OBP2B: variants seen among roughly 807,000 people sequenced by gnomAD.
The protein encoded by OBP2B is odorant binding protein 2B.
In OBP2B, 10 loss-of-function variants were observed where a neutral mutation model predicts 21.7. The ratio of observed to expected loss-of-function variants is 0.46; its 90% CI spans 0.28 to 0.78. OBP2B has a LOEUF of 0.78. Among genes scored for constraint, OBP2B ranks in the 30% least tolerant of loss-of-function variants. The pLI, the probability that OBP2B is intolerant of heterozygous loss-of-function variation, is 0.11. For missense variants in OBP2B, 153 were observed against 217.7 expected (o/e 0.70, Z 1.87); for synonymous variants, 73 against 91.5 (o/e 0.80, Z 1.16).
chr9:133,207,842 A>C, intron 3 of OBP2B: 1 of 1,496,536 alleles, frequency 6.7e-7, no homozygotes, highest in Non-Finnish European at 8.9e-7. Flanking sequence ...CCCCGTACCT[A>C]ATCCTTGGCC....
chr9:133,209,848 G>A (rs1371873976), upstream of OBP2B, among the ~76,000 whole-genome samples: 2 of 152,068 alleles, frequency 1.3e-5, no homozygotes, highest in South Asian at 2.1e-4. The surrounding 1 kb of genome is among the most constrained non-coding windows in gnomAD (Gnocchi z 6.0). Context: ...CGGCCTCCTC[G>A]GGCCATATGA....
At chr9:133,216,857 G>A in the OBP2B span, among the ~76,000 whole-genome samples, 1 of 152,082 alleles carries the variant, frequency 6.6e-6, no homozygotes, top group South Asian at 2.1e-4. Context: ...GGTTGGGGCT[G>A]GAGCAAGCCA....
upstream of OBP2B, among the ~76,000 whole-genome samples, chr9:133,211,939 T>C (rs1833920875): frequency 6.6e-6 from 1 of 152,224 alleles, no homozygotes; most frequent in Admixed American, 6.5e-5. Flanking sequence ...ATTATACAAC[T>C]ATATGCCGTC....
At chr9:133,206,203 G>A (rs1833703221) in intron 5 of OBP2B, 112 bp downstream of exon 5, 8 of 1,293,640 alleles carry the variant, frequency 6.2e-6, no homozygotes, top group Admixed American at 3.5e-5. Flanking sequence ...GAGGAGACTC[G>A]GGGCACACGG....
upstream of OBP2B, among the ~76,000 whole-genome samples, chr9:133,211,660 T>C (rs4962104): frequency 0.63 from 96,164 of 152,062 alleles, 32,580 homozygotes; most frequent in Non-Finnish European, 0.78. Flanking sequence ...TCTCAGATGG[T>C]CCTCAGAAGG....
chr9:133,216,996 C>CCAAAGACTCAGCAACTCCACT, the OBP2B span, among the ~76,000 whole-genome samples: 12 of 151,916 alleles, frequency 7.9e-5, no homozygotes, highest in African/African-American at 2.7e-4. Flanking sequence ...AAACCTAGAG[C>CCAAAGACTCAGCAACTCCACT]CAAAGACTCA....
chr9:133,208,058 T>C, intron 3 of OBP2B, 75 bp downstream of exon 3: 1 of 1,502,906 alleles, frequency 6.7e-7, no homozygotes. Flanking sequence ...GCCTGGGCAC[T>C]CTCTACCTGT....
Position 133,206,693 on chromosome 9 carries a change from T to C in OBP2B, c.389-277A>G, listed in dbSNP as rs557488025. 1.8e-3 allele frequency among the ~76,000 whole-genome samples: 261 copies of C among 147,778 alleles called. 9 individuals are homozygous for C. Among genetic ancestry groups the C allele is most frequent in the Admixed American group, 0.017 (258 of 15,000 alleles). On this transcript the variant is annotated intron_variant, in intron 4 of 6. Coordinates refer to ENST00000372034, the MANE Select transcript of OBP2B (RefSeq NM_014581.4). Reference sequence around the variant, plus strand: ...GCACCGGACAAGCAGGAGAGGAGACTTGAGAATGGATGAGAGCTCAGGGGT... The same window carrying C: ...GCACCGGACAAGCAGGAGAGGAGACCTGAGAATGGATGAGAGCTCAGGGGT...
At chr9:133,205,820 G>A (rs549450739) in intron 6 of OBP2B, 97 bp downstream of exon 6, 1 of 1,566,854 alleles carries the variant, frequency 6.4e-7, no homozygotes, top group Admixed American at 1.7e-5. Context: ...GGTCTCCCTG[G>A]CTGTGTGGGA....
At chr9:133,211,834 T>C (rs1404539642), upstream of OBP2B, among the ~76,000 whole-genome samples, 1 of 152,196 alleles carries the variant, frequency 6.6e-6, no homozygotes, top group Non-Finnish European at 1.5e-5. Flanking sequence ...AGCAACCCTA[T>C]AAAAATAATA....
At chr9:133,207,116 C>A (rs1178098233) in intron 4 of OBP2B, 110 bp downstream of exon 4, 8 of 776,694 alleles carry the variant, frequency 1.0e-5, no homozygotes, top group Non-Finnish European at 1.5e-5. Flanking sequence ...TGAAAGCCGG[C>A]ACAGGGGGCT....
chr9:133,206,441 C>A, intron 4 of OBP2B, 25 bp from the exon 5 acceptor site: 1 of 1,612,252 alleles, frequency 6.2e-7, no homozygotes. Flanking sequence ...GCCAGGTGAG[C>A]CGACGTGGGG....
the OBP2B span, among the ~76,000 whole-genome samples, chr9:133,223,086 G>A: frequency 1.5e-3 from 235 of 152,274 alleles, 1 homozygote; most frequent in African/African-American, 5.4e-3. The surrounding 1 kb of genome is among the most constrained non-coding windows in gnomAD (Gnocchi z 4.4). Context: ...CCAAAATGCC[G>A]TATTTAACAC....
chr9:133,211,682 G>C (rs1324371927), upstream of OBP2B, among the ~76,000 whole-genome samples: 1 of 152,208 alleles, frequency 6.6e-6, no homozygotes, highest in African/African-American at 2.4e-5. Flanking sequence ...CTGAGTCCCA[G>C]TTGCCCACAA....
chr9:133,212,659 G>A (rs1833927982), upstream of OBP2B, among the ~76,000 whole-genome samples: 1 of 152,244 alleles, frequency 6.6e-6, no homozygotes, highest in African/African-American at 2.4e-5. Context: ...AGCTGGGCGT[G>A]GTGGCTTGTG....
intron 4 of OBP2B, 119 bp from the exon 5 acceptor site, chr9:133,206,535 T>A: frequency 7.5e-7 from 1 of 1,329,606 alleles, no homozygotes; most frequent in Non-Finnish European, 1.0e-6. Flanking sequence ...GGCCTGAGAG[T>A]GGATCAGAGC....
the OBP2B span, among the ~76,000 whole-genome samples, chr9:133,220,222 C>T: frequency 6.6e-6 from 1 of 152,218 alleles, no homozygotes; most frequent in African/African-American, 2.4e-5. Context: ...TTACTGAAAC[C>T]CACTGAATTG....
chr9:133,205,816 C>T lies in OBP2B; in HGVS notation c.*1+101G>A, dbSNP rs1461531420. On this transcript the variant is annotated intron_variant, in intron 6 of 6. Coordinates refer to ENST00000372034, the MANE Select transcript of OBP2B (RefSeq NM_014581.4). Reference sequence around the variant, plus strand: ...TCGTGCCTGACCCTGGGGGGGTCTCCCTGGCTGTGTGGGATGGGAGGGGCC... The same window carrying T: ...TCGTGCCTGACCCTGGGGGGGTCTCTCTGGCTGTGTGGGATGGGAGGGGCC... 47 of 1,588,654 alleles carry T rather than the reference C, an allele frequency of 3.0e-5. No individual in the cohort carries two copies. The East Asian group carries it at 1.0e-3, about 34-fold the overall frequency.
chr9:133,210,077 T>C (rs1833882721), upstream of OBP2B, among the ~76,000 whole-genome samples: 1 of 152,058 alleles, frequency 6.6e-6, no homozygotes, highest in Non-Finnish European at 1.5e-5. Flanking sequence ...GATAAACAAG[T>C]CGCATGAGGC....
Sources: gnomAD v4.1 joint callset for allele counts (sites outside exome capture counted in the v4.1 genomes callset) on GRCh38, gnomAD v4.1.1 for gene constraint, Gnocchi (gnomAD v3.1) non-coding constraint, MANE v1.5 for transcripts, NCBI Gene and HGNC (gene_info 2026-07-23, HGNC 2026-07-21) for gene names.